The following GALNT1 variants were observed in gnomAD, a reference collection of about 807,000 sequenced individuals.
The protein encoded by GALNT1 is polypeptide N-acetylgalactosaminyltransferase 1.
In GALNT1, 17 loss-of-function variants were observed where a neutral mutation model predicts 65.7. That is an observed-to-expected ratio of 0.26 (90% CI 0.18 to 0.39). The LOEUF (loss-of-function observed/expected upper bound fraction) is 0.39. Among genes scored for constraint, GALNT1 ranks in the 10% least tolerant of loss-of-function variants. The pLI, the probability that GALNT1 is intolerant of heterozygous loss-of-function variation, is 1.00. For missense variants in GALNT1, 460 were observed against 672.8 expected (o/e 0.68, Z 3.50); for synonymous variants, 210 against 219.7 (o/e 0.96, Z 0.39).
intron 7 of GALNT1, among the ~76,000 whole-genome samples, chr18:35,690,179 T>G (rs1430893270): frequency 6.6e-6 from 1 of 152,238 alleles, no homozygotes; most frequent in Non-Finnish European, 1.5e-5. Flanking sequence ...AAATTAAGGA[T>G]GTAAGCCCAT....
chr18:35,709,457 T>C (rs2048320402), intron 11 of GALNT1, among the ~76,000 whole-genome samples, 167 bp from the exon 12 acceptor site: 1 of 151,912 alleles, frequency 6.6e-6, no homozygotes, highest in Non-Finnish European at 1.5e-5. Flanking sequence ...TCTCTCTCTC[T>C]CTCTGTTTCT....
chr18:35,645,223 T>G (rs9962330), intron 1 of GALNT1, among the ~76,000 whole-genome samples: 62 of 123,212 alleles, frequency 5.0e-4, no homozygotes, highest in African/African-American at 1.8e-3. Flanking sequence ...TGAATGTTTT[T>G]TTTTTTTTTT....
chr18:35,675,896 T>G (rs114238782), intron 3 of GALNT1, among the ~76,000 whole-genome samples: 1,672 of 152,302 alleles, frequency 0.011, 28 homozygotes, highest in African/African-American at 0.037. Context: ...CAGAGTCTTA[T>G]TCCAGGAGTC....
At chr18:35,697,807 ACT>A (rs760677445) in intron 9 of GALNT1, among the ~76,000 whole-genome samples, 2 of 151,992 alleles carry the variant, frequency 1.3e-5, no homozygotes, top group African/African-American at 2.4e-5. Flanking sequence ...CCTTTATGAT[ACT>A]CTCAGTTTGT....
rs911405299 is a variant in GALNT1, at chr18:35,689,385, A to G, written c.978+95A>G. On this transcript the variant is annotated intron_variant, in intron 7 of 11. Transcript: ENST00000269195. Reference sequence around the variant, plus strand: ...ATCTCTACATAAAAAATAAAAATTGAATTTAATACAAGTTTAATGTAACTT... The same window carrying G: ...ATCTCTACATAAAAAATAAAAATTGGATTTAATACAAGTTTAATGTAACTT... 5.4e-6 allele frequency: 4 copies of G among 740,352 alleles called. No homozygotes were observed. In the African/African-American group the frequency reaches 5.5e-5, roughly 10 times the overall value. 45.9% of individuals were successfully genotyped at this position (740,352 alleles called of 1,614,324 possible).
At position 35,650,868 on chromosome 18, in the gene GALNT1, C is replaced by G. The variant is rs149238756; in HGVS notation, c.-103-3692C>G. On this transcript the variant is annotated intron_variant, in intron 1 of 11. Transcript: ENST00000269195. ...CATCACAGGGTCCTGAGGCGACATT[C>G]ATTCTCAGCTTAAGAAGATGATGAG... is the stretch of plus-strand genomic sequence containing the variant. 5.2e-3 allele frequency among the ~76,000 whole-genome samples: 796 copies of G among 152,236 alleles called. 8 individuals carry two copies. The highest frequency in any genetic ancestry group is 8.7e-3 in the Non-Finnish European group (590 of 68,010).
chr18:35,670,409 A>G (rs1000312950), intron 3 of GALNT1, among the ~76,000 whole-genome samples: 1 of 152,254 alleles, frequency 6.6e-6, no homozygotes, highest in African/African-American at 2.4e-5. Context: ...AAATAAAACA[A>G]TTTTAAATAT....
intron 1 of GALNT1, among the ~76,000 whole-genome samples, chr18:35,635,570 G>A (rs549382875): frequency 2.0e-5 from 3 of 152,200 alleles, no homozygotes; most frequent in South Asian, 4.1e-4. Context: ...TAAGTAAAAC[G>A]GACCTGCTGT....
At chr18:35,632,656 T>G (rs1598789830) in intron 1 of GALNT1, among the ~76,000 whole-genome samples, 1 of 152,128 alleles carries the variant, frequency 6.6e-6, no homozygotes, top group South Asian at 2.1e-4. Context: ...ACTTCATGTC[T>G]AAAACACCAA....
chr18:35,595,850 T>G (rs908494877), intron 1 of GALNT1: 8 of 152,206 alleles, frequency 5.3e-5, no homozygotes, highest in Admixed American at 2.0e-4. Flanking sequence ...CTGGGCCAGA[T>G]GAGAGTTGCC....
At position 35,696,075 on chromosome 18, in the gene GALNT1, G is replaced by A. The variant is rs188489429; in HGVS notation, c.1299+3755G>A. Among the ~76,000 whole-genome samples the A allele has an allele frequency of 8.5e-3, 1,300 of 152,264 alleles. 24 individuals are homozygous for A. The highest frequency in any genetic ancestry group is 0.03 in the African/African-American group (1,250 of 41,552). ...AGCTGGCTTCTGGGCAAGTCGCAGC[G>A]TTTACCCTCTGTGGCCTGCTTGTTA... On this transcript the variant is annotated intron_variant, in intron 9 of 11. Coordinates refer to ENST00000269195, the MANE Select transcript of GALNT1 (RefSeq NM_020474.4).
intron 1 of GALNT1, among the ~76,000 whole-genome samples, chr18:35,643,345 A>C (rs1050530479): frequency 1.3e-5 from 2 of 152,162 alleles, no homozygotes; most frequent in African/African-American, 2.4e-5. Context: ...AAAAATAAAA[A>C]TACAGCATGA....
chr18:35,701,260 G>T (rs903366624), intron 9 of GALNT1, among the ~76,000 whole-genome samples: 4 of 152,100 alleles, frequency 2.6e-5, no homozygotes, highest in African/African-American at 7.2e-5. Context: ...TTTTTGTAGA[G>T]ACAAGGTCTT....
intron 3 of GALNT1, among the ~76,000 whole-genome samples, chr18:35,675,254 G>A (rs1255490515): frequency 1.3e-5 from 2 of 152,050 alleles, no homozygotes; most frequent in African/African-American, 4.8e-5. Context: ...CCAGGTTAGG[G>A]GTGTGTGTTT....
At position 35,639,659 on chromosome 18, in the gene GALNT1, T is replaced by A. The variant is rs78605649; in HGVS notation, c.-103-14901T>A. Reference sequence around the variant, plus strand: ...GTAATGATATCATTTTGAGAAACATTTTTGGAATTTTATTTTAGACTTCTC... The same window carrying A: ...GTAATGATATCATTTTGAGAAACATATTTGGAATTTTATTTTAGACTTCTC... On this transcript the variant is annotated intron_variant, in intron 1 of 11. Coordinates refer to ENST00000269195, the MANE Select transcript of GALNT1 (RefSeq NM_020474.4). Among the ~76,000 whole-genome samples, 74 of 152,312 alleles carry A rather than the reference T, an allele frequency of 4.9e-4. 1 individual carries two copies. The highest frequency in any genetic ancestry group is 8.8e-4 in the Non-Finnish European group (60 of 68,034).
chr18:35,607,755 T>A (rs2046669696), intron 1 of GALNT1, among the ~76,000 whole-genome samples: 1 of 152,176 alleles, frequency 6.6e-6, no homozygotes, highest in South Asian at 2.1e-4. Context: ...AGAACGGTCA[T>A]GCTACAGTCC....
At chr18:35,654,921 G>A (rs1403049096) in intron 2 of GALNT1, 120 bp downstream of exon 2, 1 of 629,076 alleles carries the variant, frequency 1.6e-6, no homozygotes, top group East Asian at 3.7e-5. Flanking sequence ...ACTTCCTGTG[G>A]GAGATATGAG....
In GALNT1 at chr18:35,632,568, T is replaced by C. The variant is rs140667767; in HGVS notation, c.-103-21992T>C. On this transcript the variant is annotated intron_variant, in intron 1 of 11. Transcript: ENST00000269195. ...CTTAATTCAAGATGGATTAAAGACT[T>C]AAATGTCAGACCTAAAACCAGAAAA... Among the ~76,000 whole-genome samples, 4 of 152,316 alleles carry C rather than the reference T, an allele frequency of 2.6e-5. No homozygotes were observed. In the East Asian group the frequency reaches 7.7e-4, roughly 29 times the overall value.
chr18:35,686,790 G>A (rs1366920063), intron 5 of GALNT1, among the ~76,000 whole-genome samples: 3 of 152,112 alleles, frequency 2.0e-5, no homozygotes, highest in African/African-American at 7.2e-5. Context: ...CCCAGCCGTG[G>A]TCCCAGCTAC....
Sources: gnomAD v4.1 joint callset for allele counts (sites outside exome capture counted in the v4.1 genomes callset) on GRCh38, gnomAD v4.1.1 for gene constraint, MANE v1.5 for transcripts, NCBI Gene and HGNC (gene_info 2026-07-23, HGNC 2026-07-21) for gene names.